Variants in TCF3 observed in about 807,000 individuals in gnomAD.
The protein encoded by TCF3 is transcription factor 3, also known as transcription factor E2-alpha.
In TCF3, 54 loss-of-function variants were observed where a neutral mutation model predicts 72.3. That is an observed-to-expected ratio of 0.75 (90% CI 0.60 to 0.94). The LOEUF is 0.94. Ranked by LOEUF, TCF3 falls within the 40% of genes least tolerant of loss-of-function variation. The probability of loss-of-function intolerance (pLI) is 0.00; values close to 1 mark genes in which losing one functional copy is unlikely to be tolerated. For synonymous variants in TCF3, 525 were observed against 412.6 expected, an observed-to-expected ratio of 1.27 and a Z score of -3.30; for missense variants, 1,078 against 934.4, an observed-to-expected ratio of 1.15 and a Z score of -2.00.
At position 1,632,337 on chromosome 19, in the gene TCF3, T is replaced by A. The variant is rs148980906; in HGVS notation, c.214A>T (p.Ser72Cys). 66 of 1,586,692 alleles carry A rather than the reference T, an allele frequency of 4.2e-5. No individual in the cohort carries two copies. The highest frequency in any genetic ancestry group is 5.4e-5 in the Non-Finnish European group (63 of 1,166,614). The change falls in exon 4 of 19, where the codon AGC (serine) becomes TGC (cysteine). Residue 72 changes from serine to cysteine, a missense_variant. Physicochemically the swap from Ser to Cys is moderately radical, Grantham distance 112 (BLOSUM62 -1). Transcript: ENST00000262965. ...GGCCTCACGGGGACTCCTACCCGGC[T>A]GGGGTCAAAGGAGGAGCTGCTCTGG... ...GDQSSSSFDP[S>C]RTFSEGTHFT...
intron 3 of TCF3, among the ~76,000 whole-genome samples, chr19:1,636,162 A>AT (rs377257097): frequency 2.0e-5 from 3 of 150,758 alleles, no homozygotes; most frequent in Admixed American, 6.6e-5. Context: ...ATTTTAAAAA[A>AT]TTTTTTTTTT....
chr19:1,632,689 C>A (rs1459650634), intron 3 of TCF3, among the ~76,000 whole-genome samples: 1 of 152,154 alleles, frequency 6.6e-6, no homozygotes, highest in Admixed American at 6.5e-5. Flanking sequence ...GCTTTCATAC[C>A]CTCCTTGGGC....
chr19:1,642,210 ACACGCGCAGACGCACAGACACG>A (rs796299283), intron 3 of TCF3, among the ~76,000 whole-genome samples: 23 of 151,776 alleles, frequency 1.5e-4, no homozygotes, highest in African/African-American at 2.7e-4. Flanking sequence ...AGACACGCAC[ACACGCGCAGACGCACAGACACG>A]CACGCGCAGA....
intron 3 of TCF3, among the ~76,000 whole-genome samples, chr19:1,641,162 C>A (rs76660600): frequency 4.7e-3 from 580 of 124,406 alleles, no homozygotes; most frequent in South Asian, 5.6e-3. Context: ...AACTCGGTCT[C>A]AAAAAAAAAA....
In TCF3 at chr19:1,614,394, T is replaced by TC. The variant is rs1184438577; in HGVS notation, c.1822+890dup. Among the ~76,000 whole-genome samples the TC allele has an allele frequency of 1.3e-5, 2 of 152,062 alleles. No individual in the cohort carries two copies. The highest frequency in any genetic ancestry group is 2.9e-5 in the Non-Finnish European group (2 of 68,012). On this transcript the variant is annotated intron_variant, in intron 18 of 18. Transcript: ENST00000262965. The surrounding 1 kb of genome is among the most constrained non-coding windows in gnomAD (Gnocchi z 5.6). ...CGCCCTGAGGTTGCAGCCCAGCCGCTCCCGGTGCTCGGGCAGCAAGTGCGA... is the reference window on the plus strand; with the variant it reads ...CGCCCTGAGGTTGCAGCCCAGCCGCTCCCCGGTGCTCGGGCAGCAAGTGCGA...
intron 2 of TCF3, among the ~76,000 whole-genome samples, chr19:1,647,636 T>C (rs1381989492): frequency 6.6e-6 from 1 of 152,076 alleles, no homozygotes; most frequent in Non-Finnish European, 1.5e-5. Context: ...GCACCCAGCC[T>C]CCCCTGGACC....
chr19:1,614,881 G>A lies in TCF3; in HGVS notation c.1822+404C>T, dbSNP rs981079590. Among the ~76,000 whole-genome samples the A allele has an allele frequency of 6.6e-6, 1 of 152,136 alleles. No homozygotes were observed. Among genetic ancestry groups the A allele is most frequent in the Non-Finnish European group, 1.5e-5 (1 of 68,014 alleles). ...TGCCTGACGGGAAGGGGCCAGGGTG[G>A]TTTGCACACCAGCTCCTGTCTCTGG... On this transcript the variant is annotated intron_variant, in intron 18 of 18. Transcript: ENST00000262965. The surrounding 1 kb of genome is among the most constrained non-coding windows in gnomAD (Gnocchi z 5.6).
chr19:1,651,806 C>G (rs1048184394), intron 1 of TCF3, among the ~76,000 whole-genome samples: 17 of 151,416 alleles, frequency 1.1e-4, no homozygotes, highest in South Asian at 2.1e-4. Flanking sequence ...CGCGCCCCCC[C>G]CCGGCCCGCC....
At chr19:1,636,753 G>A (rs531523610) in intron 3 of TCF3, among the ~76,000 whole-genome samples, 6 of 152,268 alleles carry the variant, frequency 3.9e-5, no homozygotes, top group East Asian at 3.9e-4. Flanking sequence ...GGAGGATCCC[G>A]AGTGGGGGAG....
At chr19:1,619,017 T>A (rs1208932192) in intron 16 of TCF3, 94 bp downstream of exon 16, 3 of 1,571,440 alleles carry the variant, frequency 1.9e-6, no homozygotes, top group Non-Finnish European at 2.6e-6. Context: ...CGGTGACACC[T>A]GCCCTGGGCT....
At chr19:1,631,275 T>C (rs904087918) in intron 5 of TCF3, among the ~76,000 whole-genome samples, 24 of 111,720 alleles carry the variant, frequency 2.1e-4, no homozygotes, top group African/African-American at 7.7e-4. Flanking sequence ...TCTTCATTCT[T>C]TTTTTTTTTT....
intron 7 of TCF3, among the ~76,000 whole-genome samples, chr19:1,624,450 G>T (rs1025704092): frequency 6.6e-6 from 1 of 152,272 alleles, no homozygotes; most frequent in African/African-American, 2.4e-5. Context: ...CTATTTATAC[G>T]GCTCCAAAGA....
In TCF3 at chr19:1,627,348, G is replaced by A. The variant is rs374278758; in HGVS notation, c.366+11C>T. 1.3e-4 allele frequency: 210 copies of A among 1,606,328 alleles called. No homozygotes were observed. The African/African-American group carries it at 2.3e-3, about 17-fold the overall frequency. On this transcript the variant is annotated intron_variant, in intron 6 of 18. Transcript: ENST00000262965. ...ATCAAAATACACCCCAGCCCGGCCC[G>A]AGCCCCTCACCTGAGTCAGGCCGCC...
At position 1,623,379 on chromosome 19, in the gene TCF3, C is replaced by A. The variant is rs559089177; in HGVS notation, c.549+572G>T. 3.3e-5 allele frequency among the ~76,000 whole-genome samples: 5 copies of A among 150,356 alleles called. No individual in the cohort carries two copies. In the East Asian group the frequency reaches 1.0e-3, roughly 31 times the overall value. ...CAGGGAGCCCCAATTGCGGCACCCC[C>A]CGCTTTTTTTTTTTTTTTTTTTGAG... On this transcript the variant is annotated intron_variant, in intron 8 of 18. Transcript: ENST00000262965.
chr19:1,630,753 C>T (rs1209456484), intron 5 of TCF3, among the ~76,000 whole-genome samples: 1 of 152,224 alleles, frequency 6.6e-6, no homozygotes, highest in Non-Finnish European at 1.5e-5. Context: ...GGGCAGGAGG[C>T]TGACCACGAC....
chr19:1,649,187 G>A (rs927872133), intron 2 of TCF3, among the ~76,000 whole-genome samples: 1 of 152,336 alleles, frequency 6.6e-6, no homozygotes, highest in African/African-American at 2.4e-5. Flanking sequence ...CACAATGGTG[G>A]CGCTGCTGTC....
rs1025339404 is a variant in TCF3 at position 1,614,417 on chromosome 19, C to T, written c.1822+868G>A. 1.3e-5 allele frequency among the ~76,000 whole-genome samples: 2 copies of T among 151,998 alleles called. No individual in the cohort carries two copies. Among genetic ancestry groups the T allele is most frequent in the East Asian group, 1.9e-4 (1 of 5,184 alleles). ...GCTCCCGGTGCTCGGGCAGCAAGTG[C>T]GAGGTGAGGAGGGGCTGCCACGGGA... On this transcript the variant is annotated intron_variant, in intron 18 of 18. Coordinates refer to ENST00000262965, the MANE Select transcript of TCF3 (RefSeq NM_003200.5). The surrounding 1 kb of genome is among the most constrained non-coding windows in gnomAD (Gnocchi z 5.6).
In TCF3 at chr19:1,650,252, C is replaced by A. The variant is rs1423551957; in HGVS notation, c.-4G>T. The A allele has an allele frequency of 1.3e-5, 20 of 1,560,594 alleles. No individual in the cohort carries two copies. Among genetic ancestry groups the A allele is most frequent in the Non-Finnish European group, 1.6e-5 (19 of 1,153,576 alleles). On this transcript the variant is annotated 5_prime_UTR_variant, in exon 2 of 19. Transcript: ENST00000262965. ...CCATCCTCTGCGGCTGGTTCATTCT[C>A]CTGGGGCCAGGGCGGGCACCTCAGG...
chr19:1,621,479 CTG>C (rs2146103030), intron 11 of TCF3, among the ~76,000 whole-genome samples: 1 of 143,794 alleles, frequency 7.0e-6, no homozygotes, highest in African/African-American at 2.6e-5. Context: ...GCCTGGGTAA[CTG>C]AGTCCCTCTC....
Sources: allele counts gnomAD v4.1 joint callset (sites outside exome capture counted in the v4.1 genomes callset), GRCh38; gene constraint gnomAD v4.1.1; non-coding constraint Gnocchi (gnomAD v3.1); transcripts MANE v1.5; gene names NCBI Gene and HGNC (gene_info 2026-07-23, HGNC 2026-07-21).